The following XXYLT1 variants were observed in gnomAD, a reference collection of about 807,000 sequenced individuals.
XXYLT1 encodes the protein xyloside xylosyltransferase 1, also known as UDP-xylose:alpha-xyloside alpha-1,3-xylosyltransferase.
Under a neutral mutation model 28.9 loss-of-function variants are expected in XXYLT1, and 20 were observed. The ratio of observed to expected loss-of-function variants is 0.69; its 90% CI spans 0.49 to 1.00. The LOEUF (loss-of-function observed/expected upper bound fraction) is 1.00. Ranked by LOEUF, XXYLT1 falls within the 50% of genes least tolerant of loss-of-function variation. XXYLT1 has a pLI of 0.00. For synonymous variants in XXYLT1, 257 were observed against 253.8 expected (o/e 1.01, Z -0.12); for missense variants, 542 against 560.1 (o/e 0.97, Z 0.33).
intron 2 of XXYLT1, among the ~76,000 whole-genome samples, chr3:195,224,641 G>A (rs73067087): frequency 0.023 from 3,564 of 152,264 alleles, 114 homozygotes; most frequent in African/African-American, 0.076. Flanking sequence ...AGTTGAGCAC[G>A]CAATGGGCAG....
At position 195,176,609 on chromosome 3, in the gene XXYLT1, G is replaced by T. The variant is rs1721677869; in HGVS notation, c.653-20028C>A. 6.6e-6 allele frequency among the ~76,000 whole-genome samples: 1 copy of T among 152,166 alleles called. No individual in the cohort carries two copies. On this transcript the variant is annotated intron_variant, in intron 2 of 3. Transcript: ENST00000310380. This position sits in a 1 kb window ranked among gnomAD's most constrained non-coding sequence, Gnocchi z 4.9. ...TTTATTAAGCTCCCTAGCTTCTCCA[G>T]TTCCTCATGTTTGGAGATACATTGA...
intron 3 of XXYLT1, among the ~76,000 whole-genome samples, chr3:195,138,388 G>A (rs1181679427): frequency 6.6e-6 from 1 of 152,158 alleles, no homozygotes; most frequent in African/African-American, 2.4e-5. Flanking sequence ...TCAAGGGCCT[G>A]GTCCTTGACT....
At chr3:195,103,116 C>T (rs574574361) in intron 3 of XXYLT1, among the ~76,000 whole-genome samples, 6 of 152,208 alleles carry the variant, frequency 3.9e-5, no homozygotes, top group Non-Finnish European at 5.9e-5. Flanking sequence ...GGAGAAGTGG[C>T]GGCTCACGCT....
At chr3:195,112,863 ACATG>A (rs762214146) in intron 3 of XXYLT1, among the ~76,000 whole-genome samples, 20 of 116,300 alleles carry the variant, frequency 1.7e-4, no homozygotes, top group Non-Finnish European at 3.6e-4. Flanking sequence ...GCATGCACAC[ACATG>A]CATGCACACA....
chr3:195,253,619 C>G (rs1235226089), intron 1 of XXYLT1, among the ~76,000 whole-genome samples: 6 of 151,732 alleles, frequency 4.0e-5, no homozygotes, highest in Admixed American at 3.9e-4. Context: ...CTGCCTCAGC[C>G]TCTCGAGCAG....
chr3:195,103,174 G>A (rs1170017881), intron 3 of XXYLT1, among the ~76,000 whole-genome samples: 5 of 152,228 alleles, frequency 3.3e-5, no homozygotes, highest in South Asian at 4.1e-4. Context: ...GCCTAGGAAC[G>A]CTGGACGGAA....
intron 3 of XXYLT1, among the ~76,000 whole-genome samples, chr3:195,155,475 A>G (rs1720531264): frequency 1.3e-5 from 2 of 151,754 alleles, no homozygotes; most frequent in African/African-American, 4.8e-5. Flanking sequence ...GAAACTCTCC[A>G]GGCCCAGGGC....
In XXYLT1 at chr3:195,092,952, G is replaced by C. The variant is rs1017224646; in HGVS notation, c.786-22841C>G. On this transcript the variant is annotated intron_variant, in intron 3 of 3. Coordinates refer to ENST00000310380, the MANE Select transcript of XXYLT1 (RefSeq NM_152531.5). ...AAATGCTCATCATCACTGGCCATCA[G>C]AGAAATGCAAATCAAAACCACAGTG... 1.0e-4 allele frequency among the ~76,000 whole-genome samples: 11 copies of C among 109,768 alleles called. 1 individual carries two copies. The South Asian group carries it at 3.8e-3, about 38-fold the overall frequency. The allele number at this position is 109,768 out of a possible 152,430, so 72.0% of individuals were successfully genotyped here. A position where few individuals can be genotyped will look rare whatever the true frequency, so the allele number is the denominator to read the frequency against.
At chr3:195,116,550 A>C (rs565697999) in intron 3 of XXYLT1, among the ~76,000 whole-genome samples, 1 of 152,342 alleles carries the variant, frequency 6.6e-6, no homozygotes, top group South Asian at 2.1e-4. Context: ...CCCAGGAAAC[A>C]CAAGAGAGAG....
chr3:195,083,358 G>A (rs1304953754), intron 3 of XXYLT1, among the ~76,000 whole-genome samples: 4 of 152,132 alleles, frequency 2.6e-5, no homozygotes, highest in Non-Finnish European at 5.9e-5. Flanking sequence ...CTCCCAGGCT[G>A]GAGTCCTCAG....
At chr3:195,117,948 C>T (rs1309075300) in intron 3 of XXYLT1, among the ~76,000 whole-genome samples, 1 of 152,246 alleles carries the variant, frequency 6.6e-6, no homozygotes, top group Non-Finnish European at 1.5e-5. Flanking sequence ...GCATGTTCTA[C>T]TTTTTGAAAA....
At chr3:195,214,184 C>G (rs1269501343) in intron 2 of XXYLT1, among the ~76,000 whole-genome samples, 1 of 152,150 alleles carries the variant, frequency 6.6e-6, no homozygotes, top group African/African-American at 2.4e-5. Context: ...GAGGTCAGCC[C>G]CGTTACAGTT....
chr3:195,116,332 A>G (rs1265433747), intron 3 of XXYLT1, among the ~76,000 whole-genome samples: 1 of 152,142 alleles, frequency 6.6e-6, no homozygotes, highest in Non-Finnish European at 1.5e-5. Flanking sequence ...TGCTTCTCCA[A>G]TTTTAATGTT....
At chr3:195,122,199 C>G (rs759618887) in intron 3 of XXYLT1, 8 of 702,652 alleles carry the variant, frequency 1.1e-5, no homozygotes, top group African/African-American at 3.5e-5. Flanking sequence ...TCATGATGAC[C>G]TAATCACTCT....
At chr3:195,085,997 C>T (rs1715707366) in intron 3 of XXYLT1, 1 of 152,322 alleles carries the variant, frequency 6.6e-6, no homozygotes, top group Non-Finnish European at 1.5e-5. Context: ...ACTTTTCAAG[C>T]TTCTCTTTCA....
chr3:195,172,754 G>A (rs1172738466), intron 2 of XXYLT1, among the ~76,000 whole-genome samples: 1 of 152,160 alleles, frequency 6.6e-6, no homozygotes, highest in African/African-American at 2.4e-5. Context: ...AGTCAGGGAA[G>A]GGCTTTTCAA....
At chr3:195,254,064 C>T (rs1456910689) in intron 1 of XXYLT1, among the ~76,000 whole-genome samples, 1 of 152,184 alleles carries the variant, frequency 6.6e-6, no homozygotes, top group Non-Finnish European at 1.5e-5. Context: ...GGAGATTTCC[C>T]TCTCACATTT....
At chr3:195,239,138 G>C (rs1724675217) in intron 1 of XXYLT1, among the ~76,000 whole-genome samples, 1 of 152,250 alleles carries the variant, frequency 6.6e-6, no homozygotes, top group Non-Finnish European at 1.5e-5. Context: ...TCTGCTTAAA[G>C]ATAAATGAGT....
intron 1 of XXYLT1, among the ~76,000 whole-genome samples, chr3:195,248,589 C>A (rs1725128855): frequency 6.6e-6 from 1 of 152,192 alleles, no homozygotes. Context: ...TGTGAGATTT[C>A]CCCAGCCACA....
Sources: allele counts gnomAD v4.1 joint callset (sites outside exome capture counted in the v4.1 genomes callset), GRCh38; gene constraint gnomAD v4.1.1; non-coding constraint Gnocchi (gnomAD v3.1); transcripts MANE v1.5; gene names NCBI Gene and HGNC (gene_info 2026-07-23, HGNC 2026-07-21).